The following PARP1 variants were observed in gnomAD, a reference collection of about 807,000 sequenced individuals.
PARP1 encodes the protein poly(ADP-ribose) polymerase 1, also known as poly [ADP-ribose] polymerase 1.
Under a neutral mutation model 118.7 loss-of-function variants are expected in PARP1, and 44 were observed. The observed-to-expected ratio is 0.37, with a 90% CI of 0.29 to 0.48. PARP1 has a LOEUF of 0.48. Among genes scored for constraint, PARP1 ranks in the 20% least tolerant of loss-of-function variants. PARP1 has a pLI of 0.99. For synonymous variants in PARP1, 492 were observed against 483.2 expected (o/e 1.02, Z -0.24); for missense variants, 1,100 against 1,272.4 (o/e 0.86, Z 2.06).
At chr1:226,378,358 C>T (rs1664534628) in intron 12 of PARP1, among the ~76,000 whole-genome samples, 1 of 151,718 alleles carries the variant, frequency 6.6e-6, no homozygotes, top group African/African-American at 2.4e-5. Flanking sequence ...CACCTCCCAG[C>T]TGCTGTACCC....
chr1:226,400,751 TG>T (rs1665019998), intron 2 of PARP1, among the ~76,000 whole-genome samples: 1 of 152,220 alleles, frequency 6.6e-6, no homozygotes, highest in Admixed American at 6.5e-5. Context: ...GAACACAGTC[TG>T]GAAGTGCAGA....
intron 1 of PARP1, 46 bp downstream of exon 1, chr1:226,407,764 C>A (rs780219158): frequency 6.5e-7 from 1 of 1,535,364 alleles, no homozygotes; most frequent in South Asian, 1.2e-5. Flanking sequence ...CACAGTTAAC[C>A]CGGGGCGCCG....
chr1:226,391,861 A>C (rs879598929), intron 3 of PARP1, among the ~76,000 whole-genome samples: 1 of 152,222 alleles, frequency 6.6e-6, no homozygotes, highest in African/African-American at 2.4e-5. Context: ...CTGGAGGCTC[A>C]TAACAGGGTA....
intron 19 of PARP1, among the ~76,000 whole-genome samples, chr1:226,364,792 C>G (rs1664224011): frequency 6.6e-6 from 1 of 152,250 alleles, no homozygotes; most frequent in South Asian, 2.1e-4. Flanking sequence ...CTGCAGCAGG[C>G]CCTGGCCTGG....
intron 12 of PARP1, among the ~76,000 whole-genome samples, chr1:226,377,512 A>AAAATGC (rs1333456164): frequency 1.3e-5 from 2 of 152,228 alleles, no homozygotes; most frequent in East Asian, 3.8e-4. Context: ...TTGACTACAA[A>AAAATGC]AAATGCCAAA....
chr1:226,394,085 A>G (rs1002163320), intron 2 of PARP1, among the ~76,000 whole-genome samples: 4 of 152,174 alleles, frequency 2.6e-5, no homozygotes, highest in African/African-American at 9.7e-5. Flanking sequence ...ATCCCACCTC[A>G]CACCTGTAAT....
At chr1:226,399,827 G>C (rs1463467751) in intron 2 of PARP1, among the ~76,000 whole-genome samples, 3 of 152,162 alleles carry the variant, frequency 2.0e-5, no homozygotes, top group African/African-American at 7.2e-5. Flanking sequence ...GGTGGGTAGG[G>C]CTAGCGGGTA....
chr1:226,392,616 A>C, intron 2 of PARP1: 1 of 544,356 alleles, frequency 1.8e-6, no homozygotes, highest in Non-Finnish European at 3.3e-6. Context: ...CCCACACTTT[A>C]GAAAGCACTT....
rs960398275 is a variant in PARP1, at chr1:226,385,830, C to T, written c.835-150G>A. 5 of 743,086 alleles carry T rather than the reference C, an allele frequency of 6.7e-6. No individual in the cohort carries two copies. In the African/African-American group the frequency reaches 8.7e-5, roughly 13 times the overall value. 46.0% of individuals were successfully genotyped at this position (743,086 alleles called of 1,614,324 possible). A position where few individuals can be genotyped will look rare whatever the true frequency, so the allele number is the denominator to read the frequency against. The stretch of plus-strand genomic sequence containing the variant: ...TGGGCTTGCTATGGGGCTCTTAACA[C>T]CCCACCCACCCTTGGTTTACAATGG... On this transcript the variant is annotated intron_variant, in intron 6 of 22. Transcript: ENST00000366794.
chr1:226,404,758 C>T (rs961162663), intron 1 of PARP1, among the ~76,000 whole-genome samples: 1 of 152,248 alleles, frequency 6.6e-6, no homozygotes, highest in Non-Finnish European at 1.5e-5. Context: ...TGAGGCAAGG[C>T]ACAGAATCTT....
Position 226,361,499 on chromosome 1 carries a change from C to A in PARP1, c.3006G>T (p.Leu1002=), listed in dbSNP as rs572367147. The part of the protein sequence containing the change: ...YDIAQVNLKY[L]LKLKFNFKTS... Reference sequence around the variant, plus strand: ...TCTTAAAATTGAATTTCAGTTTCAGCAGATACTTCAGATTTACCTGAGCAA... The same window carrying A: ...TCTTAAAATTGAATTTCAGTTTCAGAAGATACTTCAGATTTACCTGAGCAA... The change falls in exon 23 of 23, where the codon CTG becomes CTT. Residue 1002 remains leucine, a synonymous_variant. Transcript: ENST00000366794. 5 of 1,613,172 alleles carry A rather than the reference C, an allele frequency of 3.1e-6. No homozygotes were observed. In the African/African-American group the frequency reaches 5.3e-5, roughly 17 times the overall value.
chr1:226,388,693 T>C lies in PARP1; in HGVS notation c.680A>G (p.Glu227Gly). The C allele has an allele frequency of 6.2e-7, 1 of 1,614,142 alleles. No individual in the cohort carries two copies. The highest frequency in any genetic ancestry group is 8.5e-7 in the Non-Finnish European group (1 of 1,179,970). Residue 227 changes from glutamate to glycine, a missense_variant, in exon 5 of 23, where the codon GAA becomes GGA. Glu to Gly is a moderately conservative substitution (Grantham distance 98). Around this residue, in one of 2 missense-constraint regions of PARP1, gnomAD observed 948 missense variants for 1,031.8 expected, o/e 0.92. Coordinates refer to ENST00000366794, the MANE Select transcript of PARP1 (RefSeq NM_001618.4). ...DEVAKKKSKK[E>G]KDKDSKLEKA... ...TTCAAGCTTACTATCCTTGTCTTTT[T>C]CTTTTTTAGATTTCTTCTTCGCCAC...
chr1:226,368,153 A>G, intron 16 of PARP1, 46 bp downstream of exon 16: 1 of 1,612,774 alleles, frequency 6.2e-7, no homozygotes. Context: ...AGGTAGTCAC[A>G]CCCCAGCCCA....
intron 5 of PARP1, among the ~76,000 whole-genome samples, chr1:226,388,206 A>G (rs1343821340): frequency 6.6e-6 from 1 of 152,230 alleles, no homozygotes; most frequent in East Asian, 1.9e-4. Context: ...TTAAAAATGA[A>G]GATCTTCATT....
intron 22 of PARP1, 96 bp from the exon 23 acceptor site, chr1:226,361,637 C>G (rs372747109): frequency 2.2e-4 from 198 of 912,990 alleles, no homozygotes; most frequent in Middle Eastern, 4.2e-4. Flanking sequence ...TCAGTGCCAG[C>G]CTGAAAGTCA....
intron 1 of PARP1, among the ~76,000 whole-genome samples, chr1:226,404,311 G>C (rs149948899): frequency 3.3e-5 from 5 of 152,166 alleles, no homozygotes; most frequent in African/African-American, 9.7e-5. Flanking sequence ...ACTCTCAAAC[G>C]TTCCACCAGA....
intron 14 of PARP1, 181 bp from the exon 15 acceptor site, chr1:226,370,698 G>A (rs1664363750): frequency 1.5e-6 from 1 of 659,482 alleles, no homozygotes; most frequent in South Asian, 1.6e-5. Flanking sequence ...CATGAGGGAT[G>A]GCAGTGTGTC....
In PARP1 at chr1:226,364,054, C is replaced by T; in HGVS notation, c.2675G>A (p.Gly892Asp). 3 of 1,614,068 alleles carry T rather than the reference C, an allele frequency of 1.9e-6. No homozygotes were observed. The highest frequency in any genetic ancestry group is 1.1e-5 in the South Asian group (1 of 91,088). ...PEAPVTGYMFGKGIYFADMVS... is the reference protein window; with the variant it reads ...PEAPVTGYMFDKGIYFADMVS... ...CATGTCAGCGAAATAGATCCCTTTA[C>T]CAAACATGTAGCCTGTCTGGAAGGT... Residue 892 changes from glycine to aspartate, a missense_variant, in exon 20 of 23, where the codon GGT becomes GAT. By Grantham distance (94) the Gly-to-Asp change is moderately conservative. Transcript: ENST00000366794.
intron 12 of PARP1, among the ~76,000 whole-genome samples, chr1:226,378,005 C>T (rs1664528686): frequency 6.6e-6 from 1 of 151,990 alleles, no homozygotes; most frequent in Admixed American, 6.6e-5. Flanking sequence ...TTTGGGACTC[C>T]CTGGCCATTC....
Sources: allele counts gnomAD v4.1 joint callset (sites outside exome capture counted in the v4.1 genomes callset), GRCh38; gene constraint gnomAD v4.1.1; regional missense constraint gnomAD v4.1.1; transcripts MANE v1.5; gene names NCBI Gene and HGNC (gene_info 2026-07-23, HGNC 2026-07-21).